FAT4: variants seen among roughly 807,000 people sequenced by gnomAD.
FAT4 encodes protocadherin Fat 4.
Under a neutral mutation model 303.9 loss-of-function variants are expected in FAT4, and 84 were observed. The observed-to-expected ratio is 0.28, with a 90% CI of 0.23 to 0.33. The LOEUF (loss-of-function observed/expected upper bound fraction) is 0.33. Ranked by LOEUF, FAT4 falls within the 10% of genes least tolerant of loss-of-function variation. FAT4 has a pLI of 1.00. For missense variants in FAT4, 6,005 were observed against 6,146.8 expected (o/e 0.98, Z 0.77); for synonymous variants, 2,307 against 2,298.8 (o/e 1.00, Z -0.10).
At chr4:125,385,015 TATATA>T (rs1159305375) in intron 2 of FAT4, among the ~76,000 whole-genome samples, 7 of 62,262 alleles carry the variant, frequency 1.1e-4, no homozygotes, top group African/African-American at 3.3e-4. Flanking sequence ...TATATATATA[TATATA>T]TATATTTTTT....
At chr4:125,485,506 A>T (rs1727376995) in intron 16 of FAT4, among the ~76,000 whole-genome samples, 1 of 152,148 alleles carries the variant, frequency 6.6e-6, no homozygotes, top group Non-Finnish European at 1.5e-5. Flanking sequence ...AGTATCATCA[A>T]ATCCCTGTCT....
At chr4:125,434,482 G>T in intron 8 of FAT4, 57 bp downstream of exon 8, 2 of 1,428,052 alleles carry the variant, frequency 1.4e-6, no homozygotes, top group Non-Finnish European at 2.0e-6. Context: ...ATTAGTTTTT[G>T]AACTACATGA....
intron 2 of FAT4, among the ~76,000 whole-genome samples, chr4:125,395,412 C>T (rs1378377012): frequency 1.9e-4 from 29 of 152,084 alleles, no homozygotes; most frequent in African/African-American, 1.2e-4. Context: ...TGGGTTCAAG[C>T]GATTCTCCTG....
intron 2 of FAT4, among the ~76,000 whole-genome samples, chr4:125,340,490 TCTC>T (rs1172406750): frequency 9.9e-5 from 15 of 152,018 alleles, no homozygotes; most frequent in East Asian, 3.9e-4. Flanking sequence ...TTCACGCCAT[TCTC>T]CTCCTGCCTC....
chr4:125,453,159 C>T (rs911896920), intron 10 of FAT4, among the ~76,000 whole-genome samples: 45 of 151,940 alleles, frequency 3.0e-4, no homozygotes, highest in African/African-American at 5.1e-4. Flanking sequence ...TGCTTAATCT[C>T]GTAGCGTCTC....
At chr4:125,344,097 T>C (rs2125971188) in intron 2 of FAT4, among the ~76,000 whole-genome samples, 1 of 152,304 alleles carries the variant, frequency 6.6e-6, no homozygotes, top group South Asian at 2.1e-4. Context: ...ATTACTAGAA[T>C]GCAAAAAGTT....
chr4:125,369,583 T>G (rs949477935), intron 2 of FAT4, among the ~76,000 whole-genome samples: 1 of 152,264 alleles, frequency 6.6e-6, no homozygotes, highest in Non-Finnish European at 1.5e-5. Context: ...AAGTCTGGCC[T>G]TGCCATTGAG....
At chr4:125,327,136 T>C (rs1188563787) in intron 2 of FAT4, among the ~76,000 whole-genome samples, 1 of 152,096 alleles carries the variant, frequency 6.6e-6, no homozygotes, top group Non-Finnish European at 1.5e-5. Context: ...GCATCATTAG[T>C]GGTGGTAGCA....
chr4:125,487,201 G>T, intron 16 of FAT4, 144 bp from the exon 17 acceptor site: 4 of 645,626 alleles, frequency 6.2e-6, no homozygotes. Context: ...GAGACAAAGT[G>T]TGTAAGTATA....
Position 125,408,652 on chromosome 4 carries a change from T to C in FAT4, c.5778T>C (p.Thr1926=), listed in dbSNP as rs747198841. 1.9e-6 allele frequency: 3 copies of C among 1,610,724 alleles called. No homozygotes were observed. Among genetic ancestry groups the C allele is most frequent in the Non-Finnish European group, 1.7e-6 (2 of 1,177,222 alleles). ...CAGAAGATGGTGGGGGACAATTTAC[T>C]ACCATCAGAGTTTATTTCAATATTC... The part of the protein sequence containing the change: ...VRAEDGGGQF[T]TIRVYFNILD... Residue 1926 remains threonine (T), a synonymous_variant, in exon 5 of 18, where the codon ACT becomes ACC. Coordinates refer to ENST00000394329, the MANE Select transcript of FAT4 (RefSeq NM_001291303.3).
At position 125,429,378 on chromosome 4, in the gene FAT4, CTT is replaced by C. The variant is rs1018241873; in HGVS notation, c.7019-4866_7019-4865del. 2.6e-5 allele frequency among the ~76,000 whole-genome samples: 4 copies of C among 152,218 alleles called. No individual in the cohort carries two copies. The South Asian group carries it at 8.3e-4, about 32-fold the overall frequency. Reference sequence around the variant, plus strand: ...CATAATTATTCCTGTTTTCAATTAACTTATAACTTAATAGGACGTGACTGGAG... The same window carrying C: ...CATAATTATTCCTGTTTTCAATTAACATAACTTAATAGGACGTGACTGGAG... On this transcript the variant is annotated intron_variant, in intron 7 of 17. Transcript: ENST00000394329.
intron 2 of FAT4, among the ~76,000 whole-genome samples, chr4:125,360,938 A>G (rs1223921765): frequency 6.9e-6 from 1 of 144,538 alleles, no homozygotes; most frequent in Non-Finnish European, 1.5e-5. Flanking sequence ...TATTTATTTT[A>G]TTATTTTTAT....
At chr4:125,397,619 G>C (rs185925108) in intron 2 of FAT4, among the ~76,000 whole-genome samples, 73 of 152,180 alleles carry the variant, frequency 4.8e-4, no homozygotes, top group Non-Finnish European at 3.4e-4. Context: ...CAATTATTTA[G>C]TACTTAATTT....
intron 2 of FAT4, among the ~76,000 whole-genome samples, chr4:125,360,744 G>GGGA (rs1241247290): frequency 1.8e-4 from 28 of 152,008 alleles, no homozygotes; most frequent in African/African-American, 6.5e-4. Flanking sequence ...ATGTCTTTAG[G>GGGA]GGAGGAGGAT....
intron 2 of FAT4, among the ~76,000 whole-genome samples, chr4:125,376,471 A>G (rs1225480165): frequency 6.6e-6 from 1 of 152,078 alleles, no homozygotes; most frequent in African/African-American, 2.4e-5. Context: ...AGGGGAGAGG[A>G]ATAGCATTAG....
At position 125,491,179 on chromosome 4, in the gene FAT4, G is replaced by C; in HGVS notation, c.14363G>C (p.Gly4788Ala). 1 of 1,614,074 alleles carries C rather than the reference G, an allele frequency of 6.2e-7. No homozygotes were observed. Among genetic ancestry groups the C allele is most frequent in the Non-Finnish European group, 8.5e-7 (1 of 1,180,014 alleles). ...QIPLESSPPV[G>A]LSIEEVERLN... ...CCACTGGAATCTTCTCCTCCAGTCGGACTTTCTATTGAAGAAGTGGAGAGG... is the reference window on the plus strand; with the variant it reads ...CCACTGGAATCTTCTCCTCCAGTCGCACTTTCTATTGAAGAAGTGGAGAGG... Residue 4788 changes from glycine to alanine, a missense_variant, in exon 18 of 18, where the codon GGA becomes GCA. By Grantham distance (60) the Gly-to-Ala change is moderately conservative. Transcript: ENST00000394329.
At chr4:125,329,554 C>G (rs1731295417) in intron 2 of FAT4, among the ~76,000 whole-genome samples, 1 of 152,122 alleles carries the variant, frequency 6.6e-6, no homozygotes. Context: ...CAGTCTTTCT[C>G]TTTTTACTCT....
At position 125,451,652 on chromosome 4, in the gene FAT4, T is replaced by C; in HGVS notation, c.10642T>C (p.Tyr3548His). 6.2e-7 allele frequency: 1 copy of C among 1,614,132 alleles called. No homozygotes were observed. The highest frequency in any genetic ancestry group is 2.2e-5 in the East Asian group (1 of 44,864). ...CCCTCCAAATCAAGGTCCCTTTACT[T>C]ATTACTTGCTGAGCACAGGTCCTGC... ...DLPPNQGPFTYYLLSTGPATS... is the reference protein window; with the variant it reads ...DLPPNQGPFTHYLLSTGPATS... Residue 3548 changes from tyrosine to histidine, a missense_variant, in exon 10 of 18, where the codon TAT (tyrosine) becomes CAT (histidine). By Grantham distance (83) the Tyr-to-His change is moderately conservative (BLOSUM62 2). Transcript: ENST00000394329.
In FAT4 at chr4:125,319,190, A is replaced by G. The variant is rs1005450500; in HGVS notation, c.2779A>G (p.Met927Val). ...GGACCCTGATGAAGGTGTCAATGGC[A>G]TGGTACTCTATAGTCTGAAGCAAAA... ...AVDPDEGVNG[M>V]VLYSLKQNPK... is the part of the protein sequence containing the mutation. Residue 927 changes from methionine to valine, a missense_variant, in exon 2 of 18, where the codon ATG becomes GTG. Transcript: ENST00000394329. The G allele has an allele frequency of 6.2e-7, 1 of 1,614,168 alleles. No homozygotes were observed.
Sources: allele counts gnomAD v4.1 joint callset (sites outside exome capture counted in the v4.1 genomes callset), GRCh38; gene constraint gnomAD v4.1.1; transcripts MANE v1.5; gene names NCBI Gene and HGNC (gene_info 2026-07-23, HGNC 2026-07-21).